OSBPL1A: variants seen among roughly 807,000 people sequenced by gnomAD.
The protein encoded by OSBPL1A is oxysterol binding protein like 1A.
A neutral mutation model predicts 137.1 loss-of-function variants in OSBPL1A; 80 were observed. That is an observed-to-expected ratio of 0.58 (90% CI 0.49 to 0.70). OSBPL1A has a LOEUF of 0.70. Ranked by LOEUF, OSBPL1A falls within the 30% of genes least tolerant of loss-of-function variation. OSBPL1A has a pLI of 0.00. For missense variants in OSBPL1A, 970 were observed against 1,129.4 expected (o/e 0.86, Z 2.02); for synonymous variants, 365 against 389.7 (o/e 0.94, Z 0.75).
chr18:24,362,622 A>C (rs2091641687), intron 4 of OSBPL1A, among the ~76,000 whole-genome samples: 1 of 152,260 alleles, frequency 6.6e-6, no homozygotes, highest in East Asian at 1.9e-4. Flanking sequence ...CTTACGAAAT[A>C]ACCTTTAGGT....
At chr18:24,313,436 A>AG (rs1327942775) in intron 12 of OSBPL1A, among the ~76,000 whole-genome samples, 1 of 150,880 alleles carries the variant, frequency 6.6e-6, no homozygotes, top group African/African-American at 2.4e-5. Context: ...AAAAAAAAAA[A>AG]GAATAGGGAT....
Position 24,256,964 on chromosome 18 carries a change from C to CAAAAAAAA in OSBPL1A, c.1282-17590_1282-17583dup, listed in dbSNP as rs201880387. 7.8e-4 allele frequency among the ~76,000 whole-genome samples: 23 copies of CAAAAAAAA among 29,510 alleles called. 2 individuals carry two copies. The highest frequency in any genetic ancestry group is 1.4e-3 in the African/African-American group (14 of 10,072). 19.4% of individuals were successfully genotyped at this position (29,510 alleles called of 152,430 possible). A position where few individuals can be genotyped will look rare whatever the true frequency, so the allele number is the denominator to read the frequency against. The stretch of plus-strand genomic sequence containing the variant: ...GCTGATGAAAGAACTGAAGAGGATG[C>CAAAAAAAA]AAAAAAAAAAAAAAAAAAAAAAAAA... On this transcript the variant is annotated intron_variant, in intron 15 of 27. Coordinates refer to ENST00000319481, the MANE Select transcript of OSBPL1A (RefSeq NM_080597.4).
chr18:24,394,704 T>C (rs1297724616), intron 1 of OSBPL1A, among the ~76,000 whole-genome samples: 1 of 152,208 alleles, frequency 6.6e-6, no homozygotes, highest in Non-Finnish European at 1.5e-5. Flanking sequence ...TCATGTATAA[T>C]AATACTGACC....
At chr18:24,312,294 G>A (rs566131077) in intron 12 of OSBPL1A, among the ~76,000 whole-genome samples, 188 bp from the exon 13 acceptor site, 1 of 152,262 alleles carries the variant, frequency 6.6e-6, no homozygotes, top group South Asian at 2.1e-4. Flanking sequence ...CTGGATAAAA[G>A]CTTTTCCTAG....
At chr18:24,175,115 TATATATATATATATATATATACAC>T (rs1173294968) in intron 21 of OSBPL1A, among the ~76,000 whole-genome samples, 6 of 29,184 alleles carry the variant, frequency 2.1e-4, no homozygotes, top group South Asian at 8.1e-4. Context: ...TATGTATATA[TATATATATATATATATATATACAC>T]ATATATATAT....
At chr18:24,304,905 A>G (rs894534113) in intron 13 of OSBPL1A, among the ~76,000 whole-genome samples, 18 of 152,096 alleles carry the variant, frequency 1.2e-4, no homozygotes, top group Non-Finnish European at 2.5e-4. Flanking sequence ...CTTGGTGGAG[A>G]GCAGGGGGAG....
intron 1 of OSBPL1A, among the ~76,000 whole-genome samples, chr18:24,391,581 T>G (rs1034659370): frequency 6.8e-6 from 1 of 147,216 alleles, no homozygotes; most frequent in South Asian, 2.2e-4. Context: ...AAAAAATTAA[T>G]TACCAAATGT....
chr18:24,180,463 G>C (rs890661870), intron 19 of OSBPL1A, among the ~76,000 whole-genome samples: 1 of 38,110 alleles, frequency 2.6e-5, no homozygotes, highest in African/African-American at 1.1e-4. Context: ...TTTCTATTTT[G>C]TGTGTGTGTG....
chr18:24,164,185 A>T (rs2086086251), intron 27 of OSBPL1A, among the ~76,000 whole-genome samples: 1 of 152,224 alleles, frequency 6.6e-6, no homozygotes, highest in African/African-American at 2.4e-5. Context: ...AAAGACATGA[A>T]TAGACATTTC....
chr18:24,205,950 G>A (rs1037135156), intron 17 of OSBPL1A, among the ~76,000 whole-genome samples: 1 of 152,180 alleles, frequency 6.6e-6, no homozygotes, highest in Non-Finnish European at 1.5e-5. Context: ...GAGTGTAGTG[G>A]TGTGATCTCG....
At chr18:24,311,245 C>T (rs746408342) in intron 13 of OSBPL1A, among the ~76,000 whole-genome samples, 2 of 152,066 alleles carry the variant, frequency 1.3e-5, no homozygotes, top group Non-Finnish European at 2.9e-5. Flanking sequence ...CAAATCTTGC[C>T]GCCAACTCAT....
In OSBPL1A at chr18:24,271,073, TAATCAAAACATTA is replaced by T. The variant is rs1330772022; in HGVS notation, c.1281+9756_1281+9768del. Among the ~76,000 whole-genome samples the T allele has an allele frequency of 6.6e-6, 1 of 152,104 alleles. No homozygotes were observed. The highest frequency in any genetic ancestry group is 6.6e-5 in the Admixed American group (1 of 15,258). On this transcript the variant is annotated intron_variant, in intron 15 of 27. Transcript: ENST00000319481. The surrounding 1 kb of genome is among the most constrained non-coding windows in gnomAD (Gnocchi z 4.0). ...AAGCCTGTGAGTAATCAAAAATCCT[TAATCAAAACATTA>T]AAGTTAAAAGCCACCTCCCCATTCC...
Position 24,312,009 on chromosome 18 carries a change from G to C in OSBPL1A, c.1067C>G (p.Ala356Gly). The part of the protein sequence containing the change: ...TDEEEEDTVS[A>G]ADLKKSLEKA... ...CTCTAATGATTTCTTCAGGTCTGCA[G>C]CAGAAACCGTATCTTCCTCCTCCTC... Residue 356 changes from alanine to glycine, a missense_variant, in exon 13 of 28, where the codon GCT (alanine) becomes GGT (glycine). Ala to Gly is a moderately conservative substitution (Grantham distance 60). Coordinates refer to ENST00000319481, the MANE Select transcript of OSBPL1A (RefSeq NM_080597.4). 1 of 1,614,088 alleles carries C rather than the reference G, an allele frequency of 6.2e-7. No homozygotes were observed. Among genetic ancestry groups the C allele is most frequent in the East Asian group, 2.2e-5 (1 of 44,862 alleles).
intron 7 of OSBPL1A, among the ~76,000 whole-genome samples, chr18:24,328,476 T>C (rs1393444988): frequency 6.6e-6 from 1 of 152,162 alleles, no homozygotes; most frequent in Non-Finnish European, 1.5e-5. Context: ...GGTTGATTTC[T>C]GAATTCTCTC....
chr18:24,318,738 T>TCAA lies in OSBPL1A; in HGVS notation c.687+9_687+10insTTG, dbSNP rs1423690172. 2.5e-6 allele frequency: 4 copies of TCAA among 1,608,438 alleles called. No individual in the cohort carries two copies. The highest frequency in any genetic ancestry group is 3.4e-6 in the Non-Finnish European group (4 of 1,177,698). On this transcript the variant is annotated intron_variant, in intron 8 of 27. Coordinates refer to ENST00000319481, the MANE Select transcript of OSBPL1A (RefSeq NM_080597.4). ...AAATTATTAGATAAATTTAATTCAT[T>TCAA]ACTCTGTACCTTATTACCAACAAGA... is the stretch of plus-strand genomic sequence containing the variant.
chr18:24,397,781 G>A lies in OSBPL1A; in HGVS notation c.-129C>T, dbSNP rs1907866944. 1 of 152,202 alleles carries A rather than the reference G, an allele frequency of 6.6e-6. No homozygotes were observed. Among genetic ancestry groups the A allele is most frequent in the African/African-American group, 2.4e-5 (1 of 41,444 alleles). The allele number at this position is 152,202 out of a possible 1,614,324, so 9.4% of individuals were successfully genotyped here. ...TGGCTGGCACTCCCCGAGGACGCTC[G>A]AGCCCGCGTAACGTCTGTCTCCGGG... On this transcript the variant is annotated 5_prime_UTR_variant, in exon 1 of 28. Coordinates refer to ENST00000319481, the MANE Select transcript of OSBPL1A (RefSeq NM_080597.4).
chr18:24,344,297 A>G (rs529541547), intron 4 of OSBPL1A, among the ~76,000 whole-genome samples: 72 of 152,230 alleles, frequency 4.7e-4, no homozygotes, highest in African/African-American at 1.7e-3. Context: ...CAAAAATACA[A>G]AAATTAGCCG....
intron 18 of OSBPL1A, among the ~76,000 whole-genome samples, chr18:24,187,790 G>A (rs143229215): frequency 6.6e-6 from 1 of 152,324 alleles, no homozygotes; most frequent in Admixed American, 6.5e-5. Context: ...ATGGCATAGG[G>A]ACCTGGGCTT....
At chr18:24,215,732 T>C (rs149523792) in intron 17 of OSBPL1A, among the ~76,000 whole-genome samples, 7 of 152,106 alleles carry the variant, frequency 4.6e-5, no homozygotes, top group African/African-American at 1.4e-4. Context: ...TCACCAGAAG[T>C]CAAGATACCC....
Sources: allele counts gnomAD v4.1 joint callset (sites outside exome capture counted in the v4.1 genomes callset), GRCh38; gene constraint gnomAD v4.1.1; non-coding constraint Gnocchi (gnomAD v3.1); transcripts MANE v1.5; gene names NCBI Gene and HGNC (gene_info 2026-07-23, HGNC 2026-07-21).